Variants in DLC1 observed in about 807,000 individuals in gnomAD.
DLC1 encodes the protein DLC1 Rho GTPase activating protein.
In DLC1, 54 loss-of-function variants were observed where a neutral mutation model predicts 140.3. The ratio of observed to expected loss-of-function variants is 0.38; its 90% confidence interval spans 0.31 to 0.48. The LOEUF (loss-of-function observed/expected upper bound fraction) is 0.48. Among genes scored for constraint, DLC1 ranks in the 20% least tolerant of loss-of-function variants. The pLI is 0.96. For synonymous variants in DLC1, 986 were observed against 728.1 expected (o/e 1.35, Z -5.70); for missense variants, 2,536 against 1,907.0 (o/e 1.33, Z -6.14).
Position 13,085,763 on chromosome 8 carries a change from C to G in DLC1, c.*48G>C, listed in dbSNP as rs1384899187. On this transcript the variant is annotated 3_prime_UTR_variant, in exon 18 of 18. Transcript: ENST00000276297. ...CATTCTTCAAGGACTGGCAAAAGTT[C>G]TAGAAACAAACACCATGGTGGTGGA... 6.2e-6 allele frequency: 10 copies of G among 1,611,068 alleles called. No individual in the cohort carries two copies. The highest frequency in any genetic ancestry group is 2.2e-5 in the East Asian group (1 of 44,846).
intron 5 of DLC1, among the ~76,000 whole-genome samples, chr8:13,172,554 T>C (rs1396123195): frequency 1.3e-5 from 2 of 152,244 alleles, no homozygotes; most frequent in Non-Finnish European, 2.9e-5. Context: ...AATTCCCTTT[T>C]ACTAATGCTG....
At position 13,090,407 on chromosome 8, in the gene DLC1, G is replaced by A. The variant is rs535433260; in HGVS notation, c.3919C>T (p.Leu1307=). ...TTACCCAGGTGCCCGAGTGCTTCCA[G>A]AGTGAGGGGCTTCAGCTCTTGTTCG... ...YTEQELKPLT[L]EALGHLGNDD... is the part of the protein sequence containing the mutation. The change falls in exon 15 of 18, where the codon CTG becomes TTG. Residue 1307 remains leucine, a synonymous_variant. Coordinates refer to ENST00000276297, the MANE Select transcript of DLC1 (RefSeq NM_182643.3). The A allele has an allele frequency of 6.2e-7, 1 of 1,614,094 alleles. No homozygotes were observed. Among genetic ancestry groups the A allele is most frequent in the Admixed American group, 1.7e-5 (1 of 60,000 alleles).
At chr8:13,598,021 C>G (rs1982690) in intron 1 of DLC1, among the ~76,000 whole-genome samples, 11,116 of 152,128 alleles carry the variant, frequency 0.073, 643 homozygotes, top group Admixed American at 0.18. Context: ...ACTAATTTTG[C>G]TCCGCCACTT....
At position 13,107,610 on chromosome 8, in the gene DLC1, C is replaced by T. The variant is rs115596473; in HGVS notation, c.1502+3132G>A. Among the ~76,000 whole-genome samples the T allele has an allele frequency of 9.5e-3, 1,441 of 152,330 alleles. 26 individuals carry two copies. The highest frequency in any genetic ancestry group is 0.033 in the African/African-American group (1,373 of 41,560). ...AAAATTTCAAATAATACTGGAGCTTCGTTATTTGCTGGCCCTTGAATTCCA... is the reference window on the plus strand; with the variant it reads ...AAAATTTCAAATAATACTGGAGCTTTGTTATTTGCTGGCCCTTGAATTCCA... On this transcript the variant is annotated intron_variant, in intron 7 of 17. Transcript: ENST00000276297.
intron 1 of DLC1, among the ~76,000 whole-genome samples, chr8:13,537,810 T>G (rs112137782): frequency 6.6e-6 from 1 of 151,834 alleles, no homozygotes; most frequent in Admixed American, 6.6e-5. Context: ...CCCGCCACCA[T>G]GCCCGCCTAA....
intron 5 of DLC1, among the ~76,000 whole-genome samples, chr8:13,184,982 C>T (rs889428132): frequency 3.9e-5 from 6 of 152,094 alleles, no homozygotes; most frequent in African/African-American, 1.4e-4. Context: ...CTGGGTGCTC[C>T]TGTATTGGGT....
intron 5 of DLC1, among the ~76,000 whole-genome samples, chr8:13,203,871 A>G (rs888154650): frequency 1.3e-5 from 2 of 152,176 alleles, no homozygotes; most frequent in African/African-American, 4.8e-5. Context: ...TTTTAGATCT[A>G]TTCTCTTCCT....
At chr8:13,526,045 T>C (rs1802913652) in intron 1 of DLC1, among the ~76,000 whole-genome samples, 1 of 152,172 alleles carries the variant, frequency 6.6e-6, no homozygotes, top group Non-Finnish European at 1.5e-5. Context: ...AGTATGGACA[T>C]GCAATTGTTC....
chr8:13,392,488 T>C (rs1836805268), intron 4 of DLC1, among the ~76,000 whole-genome samples: 1 of 152,212 alleles, frequency 6.6e-6, no homozygotes, highest in South Asian at 2.1e-4. Flanking sequence ...TGTCATGTTT[T>C]AAAATCAGAG....
intron 7 of DLC1, 132 bp from the exon 8 acceptor site, chr8:13,102,985 G>T: frequency 1.4e-6 from 1 of 721,096 alleles, no homozygotes; most frequent in Non-Finnish European, 2.3e-6. Flanking sequence ...ACCTAGAGGA[G>T]TATTAGAAAC....
intron 5 of DLC1, among the ~76,000 whole-genome samples, chr8:13,235,625 GGGT>G (rs778876634): frequency 1.5e-4 from 23 of 152,038 alleles, no homozygotes; most frequent in Admixed American, 9.2e-4. Flanking sequence ...ATTAATCCAT[GGGT>G]TTAACTCACA....
chr8:13,405,166 C>A (rs1463655550), intron 2 of DLC1, among the ~76,000 whole-genome samples: 1 of 151,878 alleles, frequency 6.6e-6, no homozygotes, highest in Non-Finnish European at 1.5e-5. Flanking sequence ...CTTTCAGACT[C>A]AGAACTGCAT....
At chr8:13,425,114 A>G (rs1198220342) in intron 2 of DLC1, among the ~76,000 whole-genome samples, 2 of 151,672 alleles carry the variant, frequency 1.3e-5, no homozygotes, top group East Asian at 1.9e-4. Flanking sequence ...CTAGAACACA[A>G]TGTGCAGTAA....
intron 5 of DLC1, among the ~76,000 whole-genome samples, chr8:13,271,050 C>T (rs962491137): frequency 2.6e-5 from 4 of 152,170 alleles, no homozygotes; most frequent in African/African-American, 9.7e-5. Flanking sequence ...CTCTCTAAGC[C>T]ACTATATAAT....
At chr8:13,576,308 T>G (rs1804834267) in intron 1 of DLC1, among the ~76,000 whole-genome samples, 1 of 152,198 alleles carries the variant, frequency 6.6e-6, no homozygotes, top group African/African-American at 2.4e-5. Flanking sequence ...TGAAGGATTT[T>G]TCTGGGGCGC....
chr8:13,530,002 A>C (rs1174556808), intron 1 of DLC1, among the ~76,000 whole-genome samples: 1 of 152,186 alleles, frequency 6.6e-6, no homozygotes, highest in Non-Finnish European at 1.5e-5. Context: ...CAGAATTTTG[A>C]GTAGTGGAGG....
chr8:13,279,368 G>C (rs1831283174), intron 5 of DLC1, among the ~76,000 whole-genome samples: 1 of 152,186 alleles, frequency 6.6e-6, no homozygotes, highest in African/African-American at 2.4e-5. Context: ...CATTTCAGTA[G>C]GTGTTAGAAA....
chr8:13,085,904 T>C lies in DLC1; in HGVS notation c.4494A>G (p.Lys1498=). 6.2e-7 allele frequency: 1 copy of C among 1,614,136 alleles called. No homozygotes were observed. Among genetic ancestry groups the C allele is most frequent in the Non-Finnish European group, 8.5e-7 (1 of 1,180,020 alleles). Reference sequence around the variant, plus strand: ...CAGCTGCACACAAATGTCCAAAAGATTTTGTGTACCATTCTGGCATGTGGC... The same window carrying C: ...CAGCTGCACACAAATGTCCAAAAGACTTTGTGTACCATTCTGGCATGTGGC... ...LRGHMPEWYT[K]SFGHLCAAEV... The change falls in exon 18 of 18, where the codon AAA becomes AAG. Residue 1498 remains lysine (K), a synonymous_variant. Coordinates refer to ENST00000276297, the MANE Select transcript of DLC1 (RefSeq NM_182643.3).
intron 5 of DLC1, among the ~76,000 whole-genome samples, chr8:13,294,908 A>G (rs1368718736): frequency 6.6e-6 from 1 of 152,142 alleles, no homozygotes; most frequent in African/African-American, 2.4e-5. Flanking sequence ...TCGCTAGGGG[A>G]TTAATTGAGT....
Sources: allele counts gnomAD v4.1 joint callset (sites outside exome capture counted in the v4.1 genomes callset), GRCh38; gene constraint gnomAD v4.1.1; transcripts MANE v1.5; gene names NCBI Gene and HGNC (gene_info 2026-07-23, HGNC 2026-07-21).